Variants in UGT2A1 observed in about 807,000 individuals in gnomAD.
UGT2A1 encodes the protein UDP-glucuronosyltransferase 2A1.
UGT2A1 carries 61 observed loss-of-function variants against 45.4 expected under a neutral mutation model. That is an observed-to-expected ratio of 1.34 (90% CI 1.09 to 1.66). The LOEUF (loss-of-function observed/expected upper bound fraction) is 1.66. Ranked by LOEUF, UGT2A1 falls within the 40% of genes most tolerant of loss-of-function variation. The probability of loss-of-function intolerance (pLI) is 0.00; values close to 1 mark genes in which losing one functional copy is unlikely to be tolerated. For synonymous variants in UGT2A1, 229 were observed against 196.2 expected, an observed-to-expected ratio of 1.17 and a Z score of -1.40; for missense variants, 649 against 574.3, an observed-to-expected ratio of 1.13 and a Z score of -1.33.
chr4:69,646,838 T>TA (rs1722281565), intron 2 of UGT2A1, 92 bp downstream of exon 2: 3 of 885,160 alleles, frequency 3.4e-6, no homozygotes, highest in Non-Finnish European at 5.0e-6. Flanking sequence ...TACTTGGAAT[T>TA]AAAAAAGAAT....
At chr4:69,600,381 C>T (rs1414960223) in intron 3 of UGT2A1, among the ~76,000 whole-genome samples, 1 of 152,182 alleles carries the variant, frequency 6.6e-6, no homozygotes, top group Non-Finnish European at 1.5e-5. Context: ...TGTCAACTAA[C>T]TCAGGTTGTG....
Position 69,592,808 on chromosome 4 carries a change from C to CA in UGT2A1, c.1304+1668dup, listed in dbSNP as rs530219488. Among the ~76,000 whole-genome samples the CA allele has an allele frequency of 1.1e-4, 17 of 151,394 alleles. No individual in the cohort carries two copies. The South Asian group carries it at 1.7e-3, about 15-fold the overall frequency. ...ATAAAAGGCATTCAAAGAAATAATA[C>CA]AAAAAAAATTAATTTCTGAAAAGAA... On this transcript the variant is annotated intron_variant, in intron 6 of 6. Transcript: ENST00000286604.
chr4:69,590,346 T>A (rs529959241), intron 6 of UGT2A1, among the ~76,000 whole-genome samples: 3 of 152,242 alleles, frequency 2.0e-5, no homozygotes, highest in Non-Finnish European at 4.4e-5. Context: ...ACAGTTCTAA[T>A]GGCTTCTCAA....
intron 3 of UGT2A1, among the ~76,000 whole-genome samples, chr4:69,615,394 G>T (rs1402046278): frequency 1.3e-5 from 2 of 152,034 alleles, no homozygotes; most frequent in South Asian, 2.1e-4. Flanking sequence ...AACCGAAAAA[G>T]CTTCTGCACA....
intron 3 of UGT2A1, among the ~76,000 whole-genome samples, chr4:69,615,097 C>T (rs1339401697): frequency 6.6e-6 from 1 of 151,962 alleles, no homozygotes; most frequent in East Asian, 1.9e-4. Flanking sequence ...ACAGATCCCT[C>T]CCCCAACATT....
Position 69,619,395 on chromosome 4 carries a change from G to A in UGT2A1, c.847+16296C>T, listed in dbSNP as rs117373492. 1.3e-3 allele frequency among the ~76,000 whole-genome samples: 189 copies of A among 150,194 alleles called. 4 individuals carry two copies. In the East Asian group the frequency reaches 0.036, roughly 28 times the overall value. On this transcript the variant is annotated intron_variant, in intron 3 of 6. Coordinates refer to ENST00000286604, the MANE Select transcript of UGT2A1 (RefSeq NM_001252275.3). ...AGCCTGGGTGACAGAGCAAAATCTT[G>A]TCTTAATGCATACATACATAAATAC...
chr4:69,609,155 A>ATT (rs10627999), intron 3 of UGT2A1, among the ~76,000 whole-genome samples: 2,749 of 142,256 alleles, frequency 0.019, 53 homozygotes, highest in South Asian at 0.071. Context: ...AATATATAAG[A>ATT]TTTTTTTTTT....
chr4:69,594,628 C>G lies in UGT2A1; in HGVS notation c.1153G>C (p.Gly385Arg), dbSNP rs375410043. 7 of 1,614,030 alleles carry G rather than the reference C, an allele frequency of 4.3e-6. No homozygotes were observed. The South Asian group carries it at 6.6e-5, about 15-fold the overall frequency. ...TNGIYEAIYH[G>R]VPMVGVPMFA... ...ATGGGAACTCCCACCATAGGGACTC[C>G]GTGGTAAATAGCTTCGTAGATCCCA... The change falls in exon 6 of 7, where the codon GGA (glycine) becomes CGA (arginine). Residue 385 changes from glycine to arginine, a missense_variant. Physicochemically the swap from Gly to Arg is moderately radical, Grantham distance 125. Coordinates refer to ENST00000286604, the MANE Select transcript of UGT2A1 (RefSeq NM_001252275.3).
At chr4:69,622,422 T>C (rs927960345) in intron 3 of UGT2A1, among the ~76,000 whole-genome samples, 1 of 151,704 alleles carries the variant, frequency 6.6e-6, no homozygotes, top group Non-Finnish European at 1.5e-5. Flanking sequence ...TCTGAAACAA[T>C]TCTTAACTAC....
At chr4:69,606,253 G>T (rs933108187) in intron 3 of UGT2A1, among the ~76,000 whole-genome samples, 1 of 136,352 alleles carries the variant, frequency 7.3e-6, no homozygotes, top group Admixed American at 7.2e-5. Context: ...TCCCTGGGAC[G>T]CAAGGCTGGG....
chr4:69,620,494 G>GA (rs1178633072), intron 3 of UGT2A1, among the ~76,000 whole-genome samples: 3 of 151,032 alleles, frequency 2.0e-5, no homozygotes, highest in Non-Finnish European at 4.4e-5. Flanking sequence ...ACAAACAAAT[G>GA]AAAAAACATT....
chr4:69,642,511 T>A (rs1446636497), intron 2 of UGT2A1, among the ~76,000 whole-genome samples: 1 of 151,736 alleles, frequency 6.6e-6, no homozygotes, highest in Admixed American at 6.6e-5. Flanking sequence ...CCAGTGCATT[T>A]TTTCTTCTTT....
intron 3 of UGT2A1, among the ~76,000 whole-genome samples, chr4:69,609,222 A>G (rs1719880433): frequency 1.3e-5 from 2 of 151,258 alleles, no homozygotes; most frequent in African/African-American, 4.9e-5. Context: ...GTGCCAACAC[A>G]GCTCACTGCA....
intron 3 of UGT2A1, among the ~76,000 whole-genome samples, chr4:69,611,623 G>A (rs1232958900): frequency 6.6e-6 from 1 of 151,918 alleles, no homozygotes; most frequent in Non-Finnish European, 1.5e-5. Context: ...GGTCTAACAG[G>A]GATTGCATAA....
chr4:69,622,833 C>A (rs1301144992), intron 3 of UGT2A1, among the ~76,000 whole-genome samples: 1 of 151,718 alleles, frequency 6.6e-6, no homozygotes. Context: ...CGGTCCACAT[C>A]CTATGTCTTG....
At chr4:69,639,141 A>G (rs771539672) in intron 2 of UGT2A1, 10 of 1,613,594 alleles carry the variant, frequency 6.2e-6, no homozygotes, top group Admixed American at 5.0e-5. Flanking sequence ...CAGAGCAACA[A>G]GATCACCACA....
chr4:69,646,999 A>G lies in UGT2A1; in HGVS notation c.646T>C (p.Tyr216His), dbSNP rs780090756. Reference protein sequence around the residue: ...FTDRIRNFISYHLQDYMFETL... With the variant: ...FTDRIRNFISHHLQDYMFETL... ...TCAAACATGTAGTCCTGTAGGTGGT[A>G]GGAGATGAAATTTCTTATTCTGTCA... The change falls in exon 2 of 7, where the codon TAC becomes CAC. Residue 216 changes from tyrosine to histidine, a missense_variant. Tyr to His is a moderately conservative substitution (Grantham distance 83). Transcript: ENST00000286604. 8.1e-6 allele frequency: 13 copies of G among 1,612,100 alleles called. 1 individual carries two copies. Among genetic ancestry groups the G allele is most frequent in the Middle Eastern group, 3.3e-4 (2 of 6,064 alleles).
At chr4:69,599,956 T>G (rs1383805433) in intron 3 of UGT2A1, among the ~76,000 whole-genome samples, 2 of 152,184 alleles carry the variant, frequency 1.3e-5, no homozygotes, top group Non-Finnish European at 2.9e-5. Flanking sequence ...TCAGAGGCAT[T>G]GCTAGCATGC....
intron 3 of UGT2A1, among the ~76,000 whole-genome samples, chr4:69,614,162 G>A (rs531502062): frequency 4.0e-5 from 6 of 151,714 alleles, no homozygotes; most frequent in African/African-American, 9.7e-5. Flanking sequence ...AAATATCAGT[G>A]GCATTTCTAT....
Sources: allele counts gnomAD v4.1 joint callset (sites outside exome capture counted in the v4.1 genomes callset), GRCh38; gene constraint gnomAD v4.1.1; transcripts MANE v1.5; gene names NCBI Gene and HGNC (gene_info 2026-07-23, HGNC 2026-07-21).